GOLGA4: variants seen among roughly 807,000 people sequenced by gnomAD.
GOLGA4 encodes golgin subfamily A member 4.
In GOLGA4, 169 loss-of-function variants were observed where a neutral mutation model predicts 265.9. The ratio of observed to expected loss-of-function variants is 0.64; its 90% CI spans 0.56 to 0.72. The LOEUF is 0.72. Ranked by LOEUF, GOLGA4 falls within the 30% of genes least tolerant of loss-of-function variation. The probability of loss-of-function intolerance (pLI) is 0.00; values close to 1 mark genes in which losing one functional copy is unlikely to be tolerated. For missense variants in GOLGA4, 2,482 were observed against 2,483.4 expected (o/e 1.00, Z 0.01); for synonymous variants, 923 against 855.8 (o/e 1.08, Z -1.37).
At chr3:37,299,408 A>G (rs1309088821) in intron 9 of GOLGA4, 37 bp downstream of exon 9, 1 of 1,269,016 alleles carries the variant, frequency 7.9e-7, no homozygotes, top group Non-Finnish European at 1.1e-6. Context: ...AAATTTGTCA[A>G]GAGGCCCCAA....
At chr3:37,335,009 C>CT (rs11396224) in intron 16 of GOLGA4, 44 bp from the exon 17 acceptor site, 502,436 of 1,218,642 alleles carry the variant, frequency 0.41, 106,958 homozygotes, top group African/African-American at 0.47. Context: ...ACTAATGCTT[C>CT]TTTTTTTTCT....
intron 10 of GOLGA4, among the ~76,000 whole-genome samples, chr3:37,306,431 T>G (rs935665369): frequency 2.6e-5 from 4 of 151,928 alleles, no homozygotes; most frequent in Non-Finnish European, 4.4e-5. Context: ...TCCAGGAAAT[T>G]ATATCCTCAG....
At position 37,324,438 on chromosome 3, in the gene GOLGA4, A is replaced by G; in HGVS notation, c.2552A>G (p.Asp851Gly). 6.2e-7 allele frequency: 1 copy of G among 1,614,166 alleles called. No homozygotes were observed. The change falls in exon 14 of 24, where the codon GAT becomes GGT. Residue 851 changes from aspartate (D) to glycine (G), a missense_variant. Coordinates refer to ENST00000361924, the MANE Select transcript of GOLGA4 (RefSeq NM_002078.5). ...GCTGAAGTTGAAGCACAAAAGAAAG[A>G]TGTTTGTACTGAGTTAGATGCTCAC... ...QVAEVEAQKKDVCTELDAHKI... is the reference protein window; with the variant it reads ...QVAEVEAQKKGVCTELDAHKI...
At chr3:37,333,216 G>A (rs951915829) in intron 16 of GOLGA4, among the ~76,000 whole-genome samples, 19 of 152,176 alleles carry the variant, frequency 1.2e-4, no homozygotes, top group African/African-American at 3.4e-4. Context: ...AGAGTAGCTC[G>A]TAAGGCTATA....
chr3:37,366,053 T>C (rs1247482241), intron 23 of GOLGA4, 27 bp from the exon 24 acceptor site: 1 of 1,522,620 alleles, frequency 6.6e-7, no homozygotes, highest in Admixed American at 2.1e-5. Context: ...CCCCTTTCTT[T>C]ATTCTCTTTT....
chr3:37,250,369 A>C (rs184881878), intron 1 of GOLGA4: 1 of 152,318 alleles, frequency 6.6e-6, no homozygotes, highest in East Asian at 1.9e-4. Flanking sequence ...GTCTATCCTG[A>C]TGCAAAATGT....
intron 11 of GOLGA4, among the ~76,000 whole-genome samples, chr3:37,316,190 T>C (rs918755330): frequency 1.0e-4 from 14 of 139,540 alleles, no homozygotes; most frequent in South Asian, 2.2e-4. Context: ...CCTCACCCAT[T>C]TTTTTCTGCT....
Position 37,327,067 on chromosome 3 carries a change from A to G in GOLGA4, c.5181A>G (p.Gln1727=). The part of the protein sequence containing the change: ...AYTEQEEADS[Q]GCVQKTYEEK... Reference sequence around the variant, plus strand: ...CTGAACAAGAAGAAGCAGATTCCCAAGGCTGTGTGCAGAAGACATATGAAG... The same window carrying G: ...CTGAACAAGAAGAAGCAGATTCCCAGGGCTGTGTGCAGAAGACATATGAAG... Residue 1727 remains glutamine (Q), a synonymous_variant, in exon 14 of 24, where the codon CAA becomes CAG. Coordinates refer to ENST00000361924, the MANE Select transcript of GOLGA4 (RefSeq NM_002078.5). The G allele has an allele frequency of 1.9e-6, 3 of 1,613,946 alleles. No homozygotes were observed. The highest frequency in any genetic ancestry group is 2.5e-6 in the Non-Finnish European group (3 of 1,179,842).
chr3:37,298,448 G>A lies in GOLGA4; in HGVS notation c.815-385G>A, dbSNP rs138868208. Among the ~76,000 whole-genome samples, 40 of 152,240 alleles carry A rather than the reference G, an allele frequency of 2.6e-4. 1 individual carries two copies. The highest frequency in any genetic ancestry group is 8.2e-4 in the African/African-American group (34 of 41,536). On this transcript the variant is annotated intron_variant, in intron 7 of 23. Coordinates refer to ENST00000361924, the MANE Select transcript of GOLGA4 (RefSeq NM_002078.5). ...TGCCAGCTGATCCATCAAGTGCAGG[G>A]TCTGCAAAATATCTCAAGCAGTGAT...
At chr3:37,360,677 G>A (rs1435661760) in intron 22 of GOLGA4, among the ~76,000 whole-genome samples, 11 of 152,094 alleles carry the variant, frequency 7.2e-5, no homozygotes, top group Admixed American at 7.2e-4. Context: ...CTATATTTGA[G>A]ATTGAGTTTC....
Position 37,326,577 on chromosome 3 carries a change from A to G in GOLGA4, c.4691A>G (p.Gln1564Arg), listed in dbSNP as rs1234102000. Reference protein sequence around the residue: ...QKDIEHKELVQKLQHFQELGE... With the variant: ...QKDIEHKELVRKLQHFQELGE... Reference sequence around the variant, plus strand: ...GATATTGAACACAAAGAATTGGTTCAGAAACTTCAACATTTTCAAGAGTTA... The same window carrying G: ...GATATTGAACACAAAGAATTGGTTCGGAAACTTCAACATTTTCAAGAGTTA... Residue 1564 changes from glutamine to arginine, a missense_variant, in exon 14 of 24, where the codon CAG becomes CGG. Coordinates refer to ENST00000361924, the MANE Select transcript of GOLGA4 (RefSeq NM_002078.5). 9 of 1,613,012 alleles carry G rather than the reference A, an allele frequency of 5.6e-6. No homozygotes were observed. The highest frequency in any genetic ancestry group is 1.7e-6 in the Non-Finnish European group (2 of 1,179,410).
At chr3:37,359,736 C>T (rs892241311) in intron 22 of GOLGA4, among the ~76,000 whole-genome samples, 5 of 151,990 alleles carry the variant, frequency 3.3e-5, no homozygotes, top group Admixed American at 6.6e-5. Flanking sequence ...AAATTTCCTC[C>T]GAATTAATAA....
intron 10 of GOLGA4, among the ~76,000 whole-genome samples, chr3:37,304,138 G>A (rs1159360031): frequency 1.3e-5 from 2 of 152,138 alleles, no homozygotes; most frequent in African/African-American, 2.4e-5. Flanking sequence ...AGTTTTTTGG[G>A]GGAATATAAG....
At chr3:37,312,783 C>T (rs1293115037) in intron 10 of GOLGA4, among the ~76,000 whole-genome samples, 14 of 152,026 alleles carry the variant, frequency 9.2e-5, no homozygotes, top group Non-Finnish European at 5.9e-5. Context: ...CTTGGCCTCC[C>T]GAAGTGCTAG....
At chr3:37,321,387 A>C (rs2096954359) in intron 12 of GOLGA4, among the ~76,000 whole-genome samples, 1 of 152,228 alleles carries the variant, frequency 6.6e-6, no homozygotes, top group African/African-American at 2.4e-5. Flanking sequence ...CTAGACTTAG[A>C]GTAGAAATAT....
intron 21 of GOLGA4, among the ~76,000 whole-genome samples, chr3:37,347,582 CT>C (rs2151042311): frequency 6.6e-6 from 1 of 152,042 alleles, no homozygotes; most frequent in Admixed American, 6.6e-5. Flanking sequence ...AACCATGTGG[CT>C]TTTTTTCTTC....
At chr3:37,281,389 T>C (rs1304408011) in intron 2 of GOLGA4, among the ~76,000 whole-genome samples, 2 of 152,136 alleles carry the variant, frequency 1.3e-5, no homozygotes, top group Admixed American at 6.5e-5. Context: ...CATTCCCTTA[T>C]TAAACAAAGT....
intron 20 of GOLGA4, among the ~76,000 whole-genome samples, chr3:37,344,314 C>T (rs1200737638): frequency 6.6e-6 from 1 of 152,174 alleles, no homozygotes; most frequent in Non-Finnish European, 1.5e-5. Flanking sequence ...GTTGGCCAGG[C>T]TGGTCTCGAA....
At chr3:37,243,767 G>A (rs754543148) in intron 1 of GOLGA4, 145 bp downstream of exon 1, 8 of 654,718 alleles carry the variant, frequency 1.2e-5, no homozygotes, top group African/African-American at 1.8e-5. Flanking sequence ...CCCAGAAGGA[G>A]CTCCGGGCGG....
Sources: gnomAD v4.1 joint callset for allele counts (sites outside exome capture counted in the v4.1 genomes callset) on GRCh38, gnomAD v4.1.1 for gene constraint, MANE v1.5 for transcripts, NCBI Gene and HGNC (gene_info 2026-07-23, HGNC 2026-07-21) for gene names.